SLC8A1: variants seen among roughly 807,000 people sequenced by gnomAD.
SLC8A1 encodes sodium/calcium exchanger 1.
In SLC8A1, 18 loss-of-function variants were observed where a neutral mutation model predicts 68.3. The observed-to-expected ratio is 0.26, with a 90% CI of 0.18 to 0.39. SLC8A1 has a LOEUF of 0.39. Among genes scored for constraint, SLC8A1 ranks in the 10% least tolerant of loss-of-function variants. SLC8A1 has a pLI of 1.00. For synonymous variants in SLC8A1, 475 were observed against 415.5 expected (o/e 1.14, Z -1.74); for missense variants, 985 against 1,156.7 (o/e 0.85, Z 2.15).
chr2:40,375,631 G>C (rs1679566748), intron 2 of SLC8A1, among the ~76,000 whole-genome samples: 1 of 152,010 alleles, frequency 6.6e-6, no homozygotes, highest in African/African-American at 2.4e-5. Flanking sequence ...TCTCCTAAAA[G>C]ATATTAAGGA....
intron 2 of SLC8A1, among the ~76,000 whole-genome samples, chr2:40,221,962 T>C (rs1447316989): frequency 1.3e-5 from 2 of 152,174 alleles, no homozygotes; most frequent in Non-Finnish European, 2.9e-5. Context: ...ATTTATAGAT[T>C]CAATGCTATC....
chr2:40,377,720 C>A (rs1183654315), intron 2 of SLC8A1, among the ~76,000 whole-genome samples: 1 of 152,072 alleles, frequency 6.6e-6, no homozygotes, highest in Non-Finnish European at 1.5e-5. Flanking sequence ...TGAGTGGGAG[C>A]TGGAAGCACT....
upstream of SLC8A1, among the ~76,000 whole-genome samples, chr2:40,455,050 A>G (rs1316726706): frequency 1.3e-5 from 2 of 152,220 alleles, no homozygotes; most frequent in Non-Finnish European, 2.9e-5. Flanking sequence ...CTCCACTGTT[A>G]TCTAACCAAA....
At chr2:40,234,952 A>C (rs868859509) in intron 2 of SLC8A1, among the ~76,000 whole-genome samples, 1 of 152,094 alleles carries the variant, frequency 6.6e-6, no homozygotes, top group Admixed American at 6.5e-5. Context: ...GATGAAGCCC[A>C]CTTGATCATG....
At chr2:40,253,759 G>A (rs1421808630) in intron 2 of SLC8A1, among the ~76,000 whole-genome samples, 1 of 148,558 alleles carries the variant, frequency 6.7e-6, no homozygotes, top group Non-Finnish European at 1.5e-5. Flanking sequence ...CCCAGGAGGT[G>A]GAGGTTGCAG....
exon 2 of SLC8A1, chr2:40,429,302 C>A: frequency 6.2e-7 from 1 of 1,613,930 alleles, no homozygotes; most frequent in Non-Finnish European, 8.5e-7. Context: ...AGAATCCTAG[C>A]CATTTCTCGC....
chr2:40,215,350 T>C (rs1008413190), intron 2 of SLC8A1, among the ~76,000 whole-genome samples: 1 of 151,952 alleles, frequency 6.6e-6, no homozygotes, highest in Non-Finnish European at 1.5e-5. Context: ...AAAAATGTTA[T>C]GTAGAGGCCG....
chr2:40,197,299 A>G (rs1408797549), intron 2 of SLC8A1, among the ~76,000 whole-genome samples: 2 of 151,968 alleles, frequency 1.3e-5, no homozygotes, highest in African/African-American at 4.8e-5. Flanking sequence ...CTGAGCTCAG[A>G]GATCGTTGGC....
chr2:40,327,997 C>T (rs2076027361), intron 2 of SLC8A1, among the ~76,000 whole-genome samples: 2 of 150,040 alleles, frequency 1.3e-5, no homozygotes, highest in Admixed American at 1.3e-4. Flanking sequence ...TCATATAATA[C>T]AGTTGGGGAA....
intron 2 of SLC8A1, among the ~76,000 whole-genome samples, chr2:40,366,448 G>A (rs190665463): frequency 2.6e-4 from 39 of 152,154 alleles, no homozygotes; most frequent in Middle Eastern, 3.4e-3. Context: ...CAAGGCTATC[G>A]TGAGGAACAA....
intron 2 of SLC8A1, among the ~76,000 whole-genome samples, chr2:40,233,041 T>C (rs2059892502): frequency 6.6e-6 from 1 of 152,148 alleles, no homozygotes; most frequent in Admixed American, 6.5e-5. Flanking sequence ...CTATCGTGAA[T>C]AATGCTGCAG....
chr2:40,483,152 T>TA (rs1704749507), intron 1 of SLC8A1, among the ~76,000 whole-genome samples: 1 of 151,574 alleles, frequency 6.6e-6, no homozygotes. Context: ...AGACAATAAA[T>TA]AAAAATATAC....
intron 2 of SLC8A1, among the ~76,000 whole-genome samples, chr2:40,397,383 T>G (rs1330597655): frequency 6.6e-6 from 1 of 152,204 alleles, no homozygotes; most frequent in Non-Finnish European, 1.5e-5. Flanking sequence ...AATTGGCTTG[T>G]CTCATTCCAT....
At chr2:40,133,288 T>G (rs1209494257) in intron 7 of SLC8A1, among the ~76,000 whole-genome samples, 1 of 152,138 alleles carries the variant, frequency 6.6e-6, no homozygotes, top group Non-Finnish European at 1.5e-5. Context: ...TATCAAGTTC[T>G]TTCTATGGAA....
chr2:40,475,099 G>C (rs563814900), intron 1 of SLC8A1, among the ~76,000 whole-genome samples: 247 of 152,200 alleles, frequency 1.6e-3, no homozygotes, highest in Non-Finnish European at 2.3e-3. Context: ...CTCAAAACTT[G>C]TGAACTTCTT....
At position 40,295,814 on chromosome 2, in the gene SLC8A1, C is replaced by G. The variant is rs538956415; in HGVS notation, c.1809-117959G>C. ...GACTCTCAGACCATCCACAAATAAT[C>G]TACAATTAGAATTCATTATGTCTAA... On this transcript the variant is annotated intron_variant, in intron 2 of 7. Transcript: ENST00000406785. Among the ~76,000 whole-genome samples, 27 of 152,270 alleles carry G rather than the reference C, an allele frequency of 1.8e-4. 1 individual carries two copies. In the South Asian group the frequency reaches 5.6e-3, roughly 32 times the overall value.
chr2:40,198,644 C>T (rs1296042867), intron 2 of SLC8A1, among the ~76,000 whole-genome samples: 1 of 151,762 alleles, frequency 6.6e-6, no homozygotes, highest in East Asian at 1.9e-4. Flanking sequence ...GAGAATAAAA[C>T]CCAAAGTCAG....
intron 3 of SLC8A1, among the ~76,000 whole-genome samples, chr2:40,176,589 A>T (rs13017294): frequency 0.011 from 1,617 of 152,222 alleles, 8 homozygotes; most frequent in African/African-American, 0.016. Flanking sequence ...CAAATACTCC[A>T]TCTTGAACTT....
At chr2:40,299,010 G>C (rs1166841752) in intron 2 of SLC8A1, among the ~76,000 whole-genome samples, 1 of 152,150 alleles carries the variant, frequency 6.6e-6, no homozygotes, top group Non-Finnish European at 1.5e-5. Flanking sequence ...ATCTACTTGG[G>C]GAGGAGGCCT....
Sources: gnomAD v4.1 joint callset for allele counts (sites outside exome capture counted in the v4.1 genomes callset) on GRCh38, gnomAD v4.1.1 for gene constraint, MANE v1.5 for transcripts, NCBI Gene and HGNC (gene_info 2026-07-23, HGNC 2026-07-21) for gene names.